Variants in LCORL observed in about 807,000 individuals in gnomAD.
The protein encoded by LCORL is ligand dependent nuclear receptor corepressor like.
Under a neutral mutation model 141.8 loss-of-function variants are expected in LCORL, and 41 were observed. That is an observed-to-expected ratio of 0.29 (90% CI 0.23 to 0.38). The LOEUF (loss-of-function observed/expected upper bound fraction) is 0.38, where lower values mean the gene tolerates loss of function less well. Ranked by LOEUF, LCORL falls within the 10% of genes least tolerant of loss-of-function variation. The pLI is 1.00. For missense variants in LCORL, 1,759 were observed against 2,035.0 expected, an observed-to-expected ratio of 0.86 and a Z score of 2.61; for synonymous variants, 618 against 694.1, an observed-to-expected ratio of 0.89 and a Z score of 1.72.
intron 4 of LCORL, among the ~76,000 whole-genome samples, chr4:17,949,090 C>T (rs1478847873): frequency 1.3e-5 from 2 of 152,048 alleles, no homozygotes; most frequent in African/African-American, 4.8e-5. Flanking sequence ...ATTTAGCTAG[C>T]AGGTAGAGAG....
At chr4:17,998,870 T>C (rs139482362) in intron 1 of LCORL, among the ~76,000 whole-genome samples, 307 of 144,442 alleles carry the variant, frequency 2.1e-3, no homozygotes, top group African/African-American at 7.4e-3. Flanking sequence ...GAGGCTGAAG[T>C]GGGAGATCAC....
chr4:17,889,702 C>G (rs970944930), intron 5 of LCORL, among the ~76,000 whole-genome samples: 1 of 151,642 alleles, frequency 6.6e-6, no homozygotes, highest in Non-Finnish European at 1.5e-5. Context: ...AATGAGACAG[C>G]CAGCTTGGGA....
At chr4:18,005,333 G>T (rs1722626412) in intron 1 of LCORL, among the ~76,000 whole-genome samples, 1 of 152,154 alleles carries the variant, frequency 6.6e-6, no homozygotes, top group South Asian at 2.1e-4. Flanking sequence ...GGCTCCGCAG[G>T]GTACAGCCTC....
At chr4:17,993,917 C>G (rs1025205561) in intron 1 of LCORL, among the ~76,000 whole-genome samples, 5 of 152,078 alleles carry the variant, frequency 3.3e-5, no homozygotes, top group Admixed American at 1.3e-4. Flanking sequence ...AGTGATACAG[C>G]GTCATTATTT....
intron 1 of LCORL, among the ~76,000 whole-genome samples, chr4:18,008,021 A>G (rs1276151354): frequency 1.3e-5 from 2 of 152,234 alleles, no homozygotes; most frequent in Admixed American, 6.5e-5. Flanking sequence ...ATTGGCACAG[A>G]TAAGTACAAG....
exon 7 of LCORL, chr4:17,876,954 G>A: frequency 8.1e-7 from 1 of 1,230,666 alleles, no homozygotes; most frequent in Non-Finnish European, 1.0e-6. Flanking sequence ...AAGTCTTTTA[G>A]AATTTTGTAA....
chr4:17,882,198 T>C (rs1727665197), intron 6 of LCORL: 5 of 984,542 alleles, frequency 5.1e-6, no homozygotes, highest in Middle Eastern at 1.0e-3. Context: ...AACACAAGTG[T>C]AAAAACACAA....
intron 1 of LCORL, among the ~76,000 whole-genome samples, chr4:17,995,188 C>T (rs1470402202): frequency 1.3e-5 from 2 of 149,402 alleles, no homozygotes; most frequent in East Asian, 3.9e-4. Context: ...AGGGTAACCA[C>T]TACCTTTCTT....
intron 7 of LCORL, among the ~76,000 whole-genome samples, chr4:17,870,319 C>G (rs1726193768): frequency 6.6e-6 from 1 of 152,052 alleles, no homozygotes; most frequent in Non-Finnish European, 1.5e-5. Flanking sequence ...GCCCAGGCTG[C>G]TTGCTCTCTT....
exon 8 of LCORL, chr4:17,845,737 T>C: frequency 6.2e-7 from 1 of 1,606,770 alleles, no homozygotes; most frequent in Non-Finnish European, 8.5e-7. Context: ...CTCTTCGCTT[T>C]TGAGATTTTG....
At chr4:17,974,208 C>T (rs1716510859) in intron 1 of LCORL, among the ~76,000 whole-genome samples, 1 of 152,078 alleles carries the variant, frequency 6.6e-6, no homozygotes, top group Non-Finnish European at 1.5e-5. Context: ...TTGCTGATAA[C>T]ATAGTTCCTA....
At chr4:17,919,091 C>A (rs1733909001) in intron 4 of LCORL, among the ~76,000 whole-genome samples, 1 of 151,750 alleles carries the variant, frequency 6.6e-6, no homozygotes, top group Non-Finnish European at 1.5e-5. Context: ...CTTAAAAAAA[C>A]ACAAAAGATT....
chr4:17,886,308 C>T, intron 5 of LCORL, 147 bp from the exon 6 acceptor site: 1 of 547,020 alleles, frequency 1.8e-6, no homozygotes. Flanking sequence ...GGTTTAGGAA[C>T]AGGATATGAC....
At chr4:17,918,262 C>T (rs1475410532) in intron 4 of LCORL, among the ~76,000 whole-genome samples, 1 of 152,118 alleles carries the variant, frequency 6.6e-6, no homozygotes, top group African/African-American at 2.4e-5. Flanking sequence ...TTCCTGTTAT[C>T]ACGCTGTATT....
At chr4:17,911,791 G>A (rs544069211) in intron 4 of LCORL, 460 of 453,256 alleles carry the variant, frequency 1.0e-3, no homozygotes, top group African/African-American at 3.3e-3. Context: ...TGCAGGTGCC[G>A]GGAGCTCTGG....
chr4:17,859,816 A>G (rs946530663), intron 7 of LCORL, among the ~76,000 whole-genome samples: 1 of 152,232 alleles, frequency 6.6e-6, no homozygotes, highest in African/African-American at 2.4e-5. Flanking sequence ...CACCAACAAC[A>G]GTCCAAGCTG....
At chr4:17,984,237 G>T (rs982664188) in intron 1 of LCORL, among the ~76,000 whole-genome samples, 4 of 152,050 alleles carry the variant, frequency 2.6e-5, no homozygotes, top group Non-Finnish European at 5.9e-5. Context: ...CTCTTTTATT[G>T]TTGTGTCTCT....
intron 5 of LCORL, among the ~76,000 whole-genome samples, chr4:17,902,132 T>C (rs966377786): frequency 6.6e-6 from 1 of 151,886 alleles, no homozygotes; most frequent in African/African-American, 2.4e-5. Flanking sequence ...AAAAAGCCAA[T>C]ATGAAGACTA....
rs535027694 is a variant in LCORL, at chr4:17,947,467, G to GTT, written c.430+14434_430+14435dup. On this transcript the variant is annotated intron_variant, in intron 4 of 7. Coordinates refer to ENST00000635767, the Ensembl canonical transcript of LCORL. ...TCTCAAAAGGAATATGGATTTGTTGGTTTTTTTTTAGATTTATTGCACAAT... is the reference window on the plus strand; with the variant it reads ...TCTCAAAAGGAATATGGATTTGTTGGTTTTTTTTTTTAGATTTATTGCACAAT... Among the ~76,000 whole-genome samples, 29 of 150,924 alleles carry GTT rather than the reference G, an allele frequency of 1.9e-4. 1 individual carries two copies. The South Asian group carries it at 3.2e-3, about 16-fold the overall frequency.
Sources: allele counts gnomAD v4.1 joint callset (sites outside exome capture counted in the v4.1 genomes callset), GRCh38; gene constraint gnomAD v4.1.1; transcripts MANE v1.5; gene names NCBI Gene and HGNC (gene_info 2026-07-23, HGNC 2026-07-21).